Variants in PALD1 observed in about 807,000 individuals in gnomAD.
PALD1 encodes paladin.
In PALD1, 57 loss-of-function variants were observed where a neutral mutation model predicts 96.0. The ratio of observed to expected loss-of-function variants is 0.59; its 90% CI spans 0.48 to 0.74. PALD1 has a LOEUF of 0.74. PALD1 is among the 30% of genes least tolerant of loss of function. PALD1 has a pLI of 0.00. For synonymous variants in PALD1, 464 were observed against 473.6 expected (o/e 0.98, Z 0.26); for missense variants, 1,063 against 1,143.7 (o/e 0.93, Z 1.02).
rs556605546 is a variant in PALD1, at chr10:70,498,968, G to A, written c.-30+19909G>A. ...AGGTATCATACGTCTTTGGGATTGA[G>A]TGAGGGGGTCAGCTTGATGGTGAGA... On this transcript the variant is annotated intron_variant, in intron 1 of 19. Transcript: ENST00000263563. Among the ~76,000 whole-genome samples the A allele has an allele frequency of 3.9e-5, 6 of 152,130 alleles. No individual in the cohort carries two copies. In the East Asian group the frequency reaches 1.2e-3, roughly 29 times the overall value.
intron 1 of PALD1, among the ~76,000 whole-genome samples, chr10:70,505,116 T>A (rs903498647): frequency 6.6e-6 from 1 of 152,248 alleles, no homozygotes; most frequent in African/African-American, 2.4e-5. Flanking sequence ...TCTGTTACTA[T>A]CGTCACACCT....
chr10:70,533,872 C>T (rs1187246920), intron 7 of PALD1, 50 bp from the exon 8 acceptor site: 1 of 1,489,462 alleles, frequency 6.7e-7, no homozygotes, highest in Admixed American at 2.2e-5. Flanking sequence ...CAGGCCTCAG[C>T]CCAGGGTTTC....
chr10:70,515,062 C>T (rs752366775), intron 1 of PALD1, among the ~76,000 whole-genome samples: 2 of 152,188 alleles, frequency 1.3e-5, no homozygotes, highest in Non-Finnish European at 2.9e-5. Context: ...GTCTTTGGTG[C>T]CTACTTGTTG....
Position 70,531,321 on chromosome 10 carries a change from C to T in PALD1, c.500C>T (p.Pro167Leu). ...GTCATCTTCTGTGTGCGGGAGGAAC[C>T]TGTGCTTTTCCTGCGTGCAGATGAG... ...ECVIFCVREE[P>L]VLFLRADEDF... The change falls in exon 5 of 20, where the codon CCT (proline) becomes CTT (leucine). Residue 167 changes from proline to leucine, a missense_variant. Physicochemically the swap from Pro to Leu is moderately conservative, Grantham distance 98 (BLOSUM62 -3). Transcript: ENST00000263563. 1.2e-6 allele frequency: 2 copies of T among 1,613,942 alleles called. No individual in the cohort carries two copies. Among genetic ancestry groups the T allele is most frequent in the Middle Eastern group, 1.7e-4 (1 of 6,060 alleles).
chr10:70,539,486 C>T lies in PALD1; in HGVS notation c.1726-94C>T, dbSNP rs1417451682. The T allele has an allele frequency of 1.2e-5, 15 of 1,254,636 alleles. No homozygotes were observed. Among genetic ancestry groups the T allele is most frequent in the Non-Finnish European group, 1.4e-5 (13 of 922,520 alleles). 77.7% of individuals were successfully genotyped at this position (1,254,636 alleles called of 1,614,324 possible). A position where few individuals can be genotyped will look rare whatever the true frequency, so the allele number is the denominator to read the frequency against. ...GGGGGTCAGGGATGGGACTGGAAGCCAGGGCCAGGCCTGGCCATGGCAGGC... is the reference window on the plus strand; with the variant it reads ...GGGGGTCAGGGATGGGACTGGAAGCTAGGGCCAGGCCTGGCCATGGCAGGC... On this transcript the variant is annotated intron_variant, in intron 14 of 19. Transcript: ENST00000263563. The surrounding 1 kb of genome is among the most constrained non-coding windows in gnomAD (Gnocchi z 4.5).
the PALD1 span, among the ~76,000 whole-genome samples, chr10:70,471,716 G>C: frequency 1.3e-5 from 2 of 152,252 alleles, no homozygotes; most frequent in South Asian, 2.1e-4. Context: ...GAAAGTCCTA[G>C]TGATGGAATT....
intron 1 of PALD1, among the ~76,000 whole-genome samples, chr10:70,490,426 G>T (rs1462354628): frequency 6.6e-6 from 1 of 152,086 alleles, no homozygotes; most frequent in Non-Finnish European, 1.5e-5. Flanking sequence ...GTCTTGTGTT[G>T]CCCAGGTCTT....
chr10:70,512,729 G>T (rs1256309904), intron 1 of PALD1, among the ~76,000 whole-genome samples: 1 of 152,244 alleles, frequency 6.6e-6, no homozygotes, highest in African/African-American at 2.4e-5. Context: ...CCCAGGACAG[G>T]GTTAGACTGG....
At position 70,537,912 on chromosome 10, in the gene PALD1, G is replaced by T. The variant is rs1847149177; in HGVS notation, c.1323+6G>T. On this transcript the variant is annotated splice_donor_region_variant and intron_variant, in intron 11 of 19. Coordinates refer to ENST00000263563, the MANE Select transcript of PALD1 (RefSeq NM_014431.3). ...ACTACTACCTTCATGAGCAGGTGGG[G>T]CCTGGGAGGAGCAGACCCACGTCCC... is the stretch of plus-strand genomic sequence containing the variant. 2.5e-6 allele frequency: 4 copies of T among 1,591,876 alleles called. No homozygotes were observed. The South Asian group carries it at 4.4e-5, about 18-fold the overall frequency.
chr10:70,519,394 T>C (rs1288400693), intron 1 of PALD1, among the ~76,000 whole-genome samples: 5 of 152,126 alleles, frequency 3.3e-5, no homozygotes, highest in Non-Finnish European at 7.4e-5. Context: ...CACTTTTTCA[T>C]TGATCTTGCC....
chr10:70,539,116 C>T lies in PALD1; in HGVS notation c.1594C>T (p.Leu532=). Residue 532 remains leucine, a synonymous_variant, in exon 14 of 20, where the codon CTG becomes TTG. Transcript: ENST00000263563. The surrounding 1 kb of genome is among the most constrained non-coding windows in gnomAD (Gnocchi z 4.5). ...AKALGSILAY[L]TDAKRRLRKV... ...GGCCCTGGGGAGCATCCTGGCCTAC[C>T]TGACGGACGCCAAGAGGAGGCTGCG... is the stretch of plus-strand genomic sequence containing the variant. 6.2e-7 allele frequency: 1 copy of T among 1,613,946 alleles called. No individual in the cohort carries two copies. Among genetic ancestry groups the T allele is most frequent in the Non-Finnish European group, 8.5e-7 (1 of 1,179,910 alleles).
intron 1 of PALD1, among the ~76,000 whole-genome samples, chr10:70,482,672 G>A (rs1845953633): frequency 6.6e-6 from 1 of 152,070 alleles, no homozygotes; most frequent in Non-Finnish European, 1.5e-5. Context: ...ACTGGCTCTG[G>A]AAAGAAACTA....
intron 1 of PALD1, among the ~76,000 whole-genome samples, chr10:70,501,834 T>TGTGTGCGC (rs774868338): frequency 4.0e-5 from 6 of 149,490 alleles, no homozygotes; most frequent in East Asian, 3.9e-4. Flanking sequence ...TGTGTGTGTG[T>TGTGTGCGC]GCGTGCGTGC....
At chr10:70,536,252 G>A (rs946389990) in intron 10 of PALD1, among the ~76,000 whole-genome samples, 2 of 152,098 alleles carry the variant, frequency 1.3e-5, no homozygotes, top group African/African-American at 4.8e-5. Context: ...AGTGGGCTAT[G>A]ATCGTACCAC....
rs527926309 is a variant in PALD1 at position 70,540,341 on chromosome 10, T to C, written c.1908+579T>C. Among the ~76,000 whole-genome samples the C allele has an allele frequency of 5.3e-5, 8 of 151,760 alleles. No homozygotes were observed. The South Asian group carries it at 8.4e-4, about 16-fold the overall frequency. ...GTTTGTGATGTCTCCCTTGTCTGTA[T>C]TGGGGGCTGTGTGTGGAAAACCATC... is the stretch of plus-strand genomic sequence containing the variant. On this transcript the variant is annotated intron_variant, in intron 15 of 19. Coordinates refer to ENST00000263563, the MANE Select transcript of PALD1 (RefSeq NM_014431.3). The surrounding 1 kb of genome is among the most constrained non-coding windows in gnomAD (Gnocchi z 4.2).
upstream of PALD1, chr10:70,478,722 C>G (rs1845870011): frequency 6.6e-6 from 1 of 151,868 alleles, no homozygotes; most frequent in South Asian, 2.1e-4. Context: ...GCGGTCCGGG[C>G]GGGGGCGGGC....
intron 1 of PALD1, among the ~76,000 whole-genome samples, chr10:70,521,920 G>T (rs1210461744): frequency 6.6e-6 from 1 of 151,908 alleles, no homozygotes; most frequent in Non-Finnish European, 1.5e-5. Flanking sequence ...AAATAGGTGG[G>T]GTTACAAAGG....
the PALD1 span, among the ~76,000 whole-genome samples, chr10:70,473,417 C>G: frequency 6.6e-6 from 1 of 152,204 alleles, no homozygotes; most frequent in East Asian, 1.9e-4. Flanking sequence ...GAGCAGCTCT[C>G]CCTCAGACAG....
chr10:70,537,014 C>T (rs919828390), intron 10 of PALD1, among the ~76,000 whole-genome samples: 1 of 152,168 alleles, frequency 6.6e-6, no homozygotes, highest in Non-Finnish European at 1.5e-5. Flanking sequence ...TCTGAATCTC[C>T]GTTTCCCTCT....
Sources: allele counts gnomAD v4.1 joint callset (sites outside exome capture counted in the v4.1 genomes callset), GRCh38; gene constraint gnomAD v4.1.1; non-coding constraint Gnocchi (gnomAD v3.1); transcripts MANE v1.5; gene names NCBI Gene and HGNC (gene_info 2026-07-23, HGNC 2026-07-21).